Variants in MTA1 observed in about 807,000 individuals in gnomAD.
The protein encoded by MTA1 is metastasis associated 1.
Under a neutral mutation model 97.0 loss-of-function variants are expected in MTA1, and 15 were observed. The ratio of observed to expected loss-of-function variants is 0.15; its 90% confidence interval spans 0.10 to 0.24. The LOEUF is 0.24. MTA1 is among the 10% of genes least tolerant of loss of function. MTA1 has a pLI of 1.00. For synonymous variants in MTA1, 435 were observed against 417.5 expected, an observed-to-expected ratio of 1.04 and a Z score of -0.51; for missense variants, 709 against 1,015.1, an observed-to-expected ratio of 0.70 and a Z score of 4.10.
At chr14:105,425,024 C>T (rs148360662) in intron 1 of MTA1, among the ~76,000 whole-genome samples, 8 of 152,306 alleles carry the variant, frequency 5.3e-5, no homozygotes, top group East Asian at 3.9e-4. Flanking sequence ...CGCATCTGGA[C>T]GCTGGTCAGC....
At chr14:105,467,460 G>A (rs2083643048) in intron 18 of MTA1, 1 of 455,976 alleles carries the variant, frequency 2.2e-6, no homozygotes, top group Non-Finnish European at 4.4e-6. Context: ...AGCCAACCCT[G>A]TCCCCTTGGG....
Position 105,460,788 on chromosome 14 carries a change from C to T in MTA1, c.777C>T (p.His259=). The T allele has an allele frequency of 6.2e-7, 1 of 1,600,930 alleles. No homozygotes were observed. The highest frequency in any genetic ancestry group is 8.5e-7 in the Non-Finnish European group (1 of 1,173,834). ...ITLFHAMDTL[H]KNIYDISKAI... is the part of the protein sequence containing the mutation. Reference sequence around the variant, plus strand: ...AGTTCCACGCCATGGATACTCTCCACAAGAACATCTACGACATCTCCAAGG... The same window carrying T: ...AGTTCCACGCCATGGATACTCTCCATAAGAACATCTACGACATCTCCAAGG... The change falls in exon 10 of 21, where the codon CAC becomes CAT. Residue 259 remains histidine, a synonymous_variant. Coordinates refer to ENST00000331320, the MANE Select transcript of MTA1 (RefSeq NM_004689.4).
At chr14:105,468,196 A>C (rs2083676456) in intron 18 of MTA1, 3 of 808,574 alleles carry the variant, frequency 3.7e-6, no homozygotes, top group Non-Finnish European at 5.5e-6. Flanking sequence ...TGCCCACAGC[A>C]CGGGGCCCCA....
rs1555420374 is a variant in MTA1 at position 105,419,903 on chromosome 14, G to GGCGGCGGCA, written c.-130_-122dup. Reference sequence around the variant, plus strand: ...CGGCCTCGGCGGCGGCGGCGGCGGCGGCGGCGGCAGCAGCGCGGCCCCTTT... The same window carrying GGCGGCGGCA: ...CGGCCTCGGCGGCGGCGGCGGCGGCGGCGGCGGCAGCGGCGGCAGCAGCGCGGCCCCTTT... On this transcript the variant is annotated 5_prime_UTR_variant, in exon 1 of 21. Coordinates refer to ENST00000331320, the MANE Select transcript of MTA1 (RefSeq NM_004689.4). The GGCGGCGGCA allele has an allele frequency of 3.8e-5, 9 of 236,726 alleles. No individual in the cohort carries two copies. The highest frequency in any genetic ancestry group is 1.4e-4 in the South Asian group (1 of 7,318). The allele number at this position is 236,726 out of a possible 1,614,324, so 14.7% of individuals were successfully genotyped here.
At chr14:105,447,821 A>AC (rs1297243406) in intron 3 of MTA1, among the ~76,000 whole-genome samples, 1 of 151,714 alleles carries the variant, frequency 6.6e-6, no homozygotes, top group Admixed American at 6.6e-5. Flanking sequence ...CAGGGCCCAC[A>AC]CCCCCCGGGG....
intron 2 of MTA1, among the ~76,000 whole-genome samples, chr14:105,443,915 C>T (rs2082626586): frequency 1.3e-5 from 2 of 151,622 alleles, no homozygotes; most frequent in African/African-American, 4.9e-5. Context: ...ATGGTAAAAC[C>T]CCGTCTCTAC....
rs587759503 is a variant in MTA1 at position 105,438,811 on chromosome 14, G to A, written c.96+72G>A. 23 of 1,527,796 alleles carry A rather than the reference G, an allele frequency of 1.5e-5. No homozygotes were observed. The African/African-American group carries it at 2.5e-4, about 16-fold the overall frequency. The allele number at this position is 1,527,796 out of a possible 1,614,324, so 94.6% of individuals were successfully genotyped here. On this transcript the variant is annotated intron_variant, in intron 2 of 20. Coordinates refer to ENST00000331320, the MANE Select transcript of MTA1 (RefSeq NM_004689.4). ...CTACGCCAGCTCCTGCCCTGTGGGT[G>A]GCCAGTGTGGGTGGCCCCCTTTCGG...
chr14:105,455,064 C>T (rs143114358), intron 7 of MTA1, among the ~76,000 whole-genome samples: 64 of 152,212 alleles, frequency 4.2e-4, no homozygotes, highest in Middle Eastern at 3.4e-3. Context: ...CCACCACACC[C>T]CCCTAGTTTT....
rs587685021 is a variant in MTA1 at position 105,464,797 on chromosome 14, C to T, written c.1468C>T (p.Leu490=). The T allele has an allele frequency of 5.2e-5, 84 of 1,605,472 alleles. No homozygotes were observed. Among genetic ancestry groups the T allele is most frequent in the Non-Finnish European group, 6.5e-5 (76 of 1,174,282 alleles). Reference sequence around the variant, plus strand: ...CGCCCGGCGCCTGTGCCGTGAGATCCTGCGCCCGTGGCACGCTGCGCGGCA... The same window carrying T: ...CGCCCGGCGCCTGTGCCGTGAGATCTTGCGCCCGTGGCACGCTGCGCGGCA... The part of the protein sequence containing the change: ...RIARRLCREI[L]RPWHAARHPY... Residue 490 remains leucine, a synonymous_variant, in exon 15 of 21, where the codon CTG becomes TTG. Coordinates refer to ENST00000331320, the MANE Select transcript of MTA1 (RefSeq NM_004689.4).
At chr14:105,449,105 G>C in intron 3 of MTA1, 1 of 489,218 alleles carries the variant, frequency 2.0e-6, no homozygotes, top group Non-Finnish European at 3.6e-6. Flanking sequence ...CTCTGGACAG[G>C]GGCCCTCCAC....
Position 105,460,939 on chromosome 14 carries a change from A to T in MTA1, c.928A>T (p.Ile310Phe), listed in dbSNP as rs2083323452. The change falls in exon 10 of 21, where the codon ATT becomes TTT. Residue 310 changes from isoleucine (I) to phenylalanine (F), a missense_variant. Transcript: ENST00000331320. ...LEKYGKDFTDIQQDFLPWKSL... is the reference protein window; with the variant it reads ...LEKYGKDFTDFQQDFLPWKSL... ...AAAATATGGGAAGGATTTCACGGAC[A>T]TTCAGCAAGATTTTGTGAGTACCGT... 6.2e-7 allele frequency: 1 copy of T among 1,610,442 alleles called. No homozygotes were observed.
chr14:105,428,619 A>G (rs1437963373), intron 1 of MTA1, among the ~76,000 whole-genome samples: 1 of 151,872 alleles, frequency 6.6e-6, no homozygotes, highest in East Asian at 1.9e-4. Context: ...TTTGTTCCTC[A>G]TTTTCAAAAT....
chr14:105,445,330 G>A (rs587673841), intron 2 of MTA1, 88 bp from the exon 3 acceptor site: 16 of 1,206,970 alleles, frequency 1.3e-5, no homozygotes, highest in South Asian at 4.0e-5. Flanking sequence ...GTCCCTGGAC[G>A]GCAGGGTCCG....
In MTA1 at chr14:105,449,387, G is replaced by C. The variant is rs140261141; in HGVS notation, c.219G>C (p.Pro73=). 76 of 1,611,938 alleles carry C rather than the reference G, an allele frequency of 4.7e-5. No homozygotes were observed. The East Asian group carries it at 1.5e-3, about 33-fold the overall frequency. Residue 73 remains proline, a synonymous_variant, in exon 4 of 21, where the codon CCG becomes CCC. Coordinates refer to ENST00000331320, the MANE Select transcript of MTA1 (RefSeq NM_004689.4). ...TGTCAGTCTGCTATAAGGCCGGACC[G>C]GGGGCGGACAACGGCGAGGAAGGTA... ...ATLSVCYKAG[P]GADNGEEGEI... is the part of the protein sequence containing the mutation.
At chr14:105,464,936 G>A in intron 15 of MTA1, 73 bp downstream of exon 15, 3 of 1,480,272 alleles carry the variant, frequency 2.0e-6, no homozygotes, top group South Asian at 1.3e-5. Context: ...TTGGGGCCCA[G>A]CCTGTAGCCC....
intron 18 of MTA1, chr14:105,468,294 C>G (rs1168997239): frequency 7.7e-7 from 1 of 1,303,986 alleles, no homozygotes. Flanking sequence ...GCTCACTAAC[C>G]TAAAGCATGT....
At chr14:105,455,827 T>A (rs898847812) in intron 7 of MTA1, among the ~76,000 whole-genome samples, 4 of 152,148 alleles carry the variant, frequency 2.6e-5, no homozygotes, top group Non-Finnish European at 5.9e-5. Flanking sequence ...CCCACATCTC[T>A]CCAGGCAGAC....
rs1555434182 is a variant in MTA1 at position 105,470,180 on chromosome 14, C to T, written c.2113C>T (p.Pro705Ser). 6.2e-7 allele frequency: 1 copy of T among 1,608,330 alleles called. No homozygotes were observed. The highest frequency in any genetic ancestry group is 2.2e-5 in the East Asian group (1 of 44,760). The change falls in exon 21 of 21, where the codon CCC (proline) becomes TCC (serine). Residue 705 changes from proline to serine, a missense_variant. This residue lies in a region of MTA1 where 388 missense variants were observed against 421.6 expected (regional missense o/e 0.92). Transcript: ENST00000331320. ...GCCGCCGCGGCCACCGCCACCTGCG[C>T]CCGTCAACGACGAGCCCATCGTCAT... ...ALPPRPPPPA[P>S]VNDEPIVIED
chr14:105,446,910 G>C (rs1555427319), intron 3 of MTA1, among the ~76,000 whole-genome samples: 1 of 152,190 alleles, frequency 6.6e-6, no homozygotes, highest in Non-Finnish European at 1.5e-5. Context: ...CTCAGAGGAG[G>C]GGAGCGTTCA....
Sources: allele counts gnomAD v4.1 joint callset (sites outside exome capture counted in the v4.1 genomes callset), GRCh38; gene constraint gnomAD v4.1.1; regional missense constraint gnomAD v4.1.1; transcripts MANE v1.5; gene names NCBI Gene and HGNC (gene_info 2026-07-23, HGNC 2026-07-21).